The following FRMPD4 variants were observed in gnomAD, a reference collection of about 807,000 sequenced individuals.
The protein encoded by FRMPD4 is FERM and PDZ domain-containing protein 4.
FRMPD4 carries 22 observed loss-of-function variants against 94.1 expected under a neutral mutation model. The ratio of observed to expected loss-of-function variants is 0.23; its 90% CI spans 0.17 to 0.33. The LOEUF (loss-of-function observed/expected upper bound fraction) is 0.33. Ranked by LOEUF, FRMPD4 falls within the 10% of genes least tolerant of loss-of-function variation. FRMPD4 has a pLI of 1.00. For synonymous variants in FRMPD4, 631 were observed against 548.6 expected (o/e 1.15, Z -2.10); for missense variants, 1,111 against 1,339.9 (o/e 0.83, Z 2.67).
intron 8 of FRMPD4, among the ~76,000 whole-genome samples, chrX:12,692,852 G>T (rs182249075): frequency 8.9e-6 from 1 of 112,174 alleles, no homozygotes; most frequent in Admixed American, 9.4e-5. Context: ...TCATGAAGTC[G>T]CTGTGAAACA....
intron 1 of FRMPD4, 139 bp downstream of exon 1, chrX:12,139,151 C>T: frequency 4.5e-6 from 2 of 442,991 alleles, no homozygotes; most frequent in Non-Finnish European, 7.3e-6. Context: ...CCGGGGGCTT[C>T]CACGTTCAAC....
intron 3 of FRMPD4, among the ~76,000 whole-genome samples, chrX:11,884,828 G>A (rs1463890222): frequency 9.0e-6 from 1 of 111,415 alleles, no homozygotes; most frequent in Non-Finnish European, 1.9e-5. Flanking sequence ...CTGCATAATA[G>A]AGGAGAGATT....
intron 4 of FRMPD4, among the ~76,000 whole-genome samples, chrX:12,670,639 T>A (rs771290983): frequency 5.1e-4 from 57 of 111,830 alleles, no homozygotes; most frequent in African/African-American, 1.7e-3. Flanking sequence ...AAAACCCTAG[T>A]AGAAAACCTA....
At chrX:12,207,102 C>A (rs2056701189) in intron 1 of FRMPD4, among the ~76,000 whole-genome samples, 1 of 111,352 alleles carries the variant, frequency 9.0e-6, no homozygotes, top group Non-Finnish European at 1.9e-5. Context: ...AGAAAAATTA[C>A]AGCATACCAG....
chrX:12,321,446 A>G (rs1267446237), intron 1 of FRMPD4, among the ~76,000 whole-genome samples: 1 of 112,144 alleles, frequency 8.9e-6, no homozygotes, highest in Non-Finnish European at 1.9e-5. Flanking sequence ...ACAATATTCA[A>G]TAAATTACAT....
At chrX:12,672,068 G>GC (rs1374248354) in intron 4 of FRMPD4, among the ~76,000 whole-genome samples, 1 of 112,272 alleles carries the variant, frequency 8.9e-6, no homozygotes, top group Admixed American at 9.4e-5. Context: ...CATTGTCAAT[G>GC]TTTTCTCTAC....
chrX:12,456,874 C>CCACACTTT (rs1306913529), intron 1 of FRMPD4, among the ~76,000 whole-genome samples: 1 of 112,571 alleles, frequency 8.9e-6, no homozygotes, highest in African/African-American at 3.2e-5. Context: ...TTGGTCAGTT[C>CCACACTTT]CACACTTTCA....
intron 1 of FRMPD4, among the ~76,000 whole-genome samples, chrX:12,244,836 T>C (rs2053931108): frequency 1.8e-5 from 2 of 111,775 alleles, no homozygotes; most frequent in Non-Finnish European, 3.8e-5. Flanking sequence ...TGGACAGAGC[T>C]GAGATGCCTG....
chrX:12,213,036 T>A (rs2056770351), intron 1 of FRMPD4, among the ~76,000 whole-genome samples: 1 of 111,527 alleles, frequency 9.0e-6, no homozygotes, highest in Non-Finnish European at 1.9e-5. Flanking sequence ...GTCTCCCTCA[T>A]TAATTTCTTT....
chrX:12,283,053 G>A lies in FRMPD4; in HGVS notation c.41+144041G>A, dbSNP rs551249534. On this transcript the variant is annotated intron_variant, in intron 1 of 16. Transcript: ENST00000675598. ...ACTGCAGAAAGTTCCAATGGACAGCGCTGATCTAGACTGTATTAAAAGCTT... is the reference window on the plus strand; with the variant it reads ...ACTGCAGAAAGTTCCAATGGACAGCACTGATCTAGACTGTATTAAAAGCTT... Among the ~76,000 whole-genome samples the A allele has an allele frequency of 1.2e-4, 14 of 112,902 alleles. No homozygotes were observed. The South Asian group carries it at 2.9e-3, about 23-fold the overall frequency.
chrX:11,947,265 A>T (rs1306634862), intron 3 of FRMPD4, among the ~76,000 whole-genome samples: 1 of 112,228 alleles, frequency 8.9e-6, no homozygotes, highest in Non-Finnish European at 1.9e-5. Flanking sequence ...TTCAGATAAG[A>T]GATTATGGAT....
intron 1 of FRMPD4, among the ~76,000 whole-genome samples, chrX:12,471,448 T>G (rs1426871720): frequency 9.1e-6 from 1 of 110,399 alleles, no homozygotes; most frequent in African/African-American, 3.3e-5. Flanking sequence ...GTTTAAGGAG[T>G]AGAGGTCAGG....
chrX:12,664,400 T>C (rs1337670700), intron 4 of FRMPD4, among the ~76,000 whole-genome samples: 1 of 111,666 alleles, frequency 9.0e-6, no homozygotes, highest in Admixed American at 9.5e-5. Flanking sequence ...TTATTGAGAG[T>C]TTTTAGCATG....
intron 1 of FRMPD4, among the ~76,000 whole-genome samples, chrX:12,386,462 C>T (rs1210775036): frequency 8.9e-6 from 1 of 112,009 alleles, no homozygotes; most frequent in Non-Finnish European, 1.9e-5. Context: ...AGATGAGATC[C>T]TCAAAGCATT....
At chrX:12,639,789 G>A (rs1175957124) in intron 4 of FRMPD4, among the ~76,000 whole-genome samples, 4 of 111,655 alleles carry the variant, frequency 3.6e-5, no homozygotes, top group African/African-American at 9.8e-5. Flanking sequence ...GTCTTCTTTC[G>A]AGGGTGAAGA....
chrX:11,848,501 C>T (rs748491613), intron 1 of FRMPD4, among the ~76,000 whole-genome samples: 3 of 106,515 alleles, frequency 2.8e-5, no homozygotes, highest in East Asian at 5.7e-4. Flanking sequence ...TAAGTCTTCC[C>T]CAGCCTGTGT....
rs773502928 is a variant in FRMPD4 at position 11,957,525 on chromosome X, C to CAAAATAAAAT, written c.95+79527_95+79536dup. On this transcript the variant is annotated intron_variant, in intron 3 of 18. Coordinates refer to the FRMPD4 transcript ENST00000640291. ...GGCTGCAGTGAGTGAGACCCTGTCT[C>CAAAATAAAAT]AAAATAAAATAAAATAAAATAAAAT... Among the ~76,000 whole-genome samples the CAAAATAAAAT allele has an allele frequency of 2.2e-3, 237 of 108,420 alleles. 1 individual carries two copies. The highest frequency in any genetic ancestry group is 7.8e-3 in the African/African-American group (232 of 29,910). 94.1% of individuals were successfully genotyped at this position (108,420 alleles called of 115,157 possible). A position where few individuals can be genotyped will look rare whatever the true frequency, so the allele number is the denominator to read the frequency against.
At chrX:12,663,704 T>G (rs2059743590) in intron 4 of FRMPD4, among the ~76,000 whole-genome samples, 1 of 112,480 alleles carries the variant, frequency 8.9e-6, no homozygotes, top group Non-Finnish European at 1.9e-5. Context: ...TGGTTCCATA[T>G]GAAATTTAAA....
intron 1 of FRMPD4, among the ~76,000 whole-genome samples, chrX:12,299,383 A>G (rs1427128282): frequency 1.8e-5 from 2 of 110,605 alleles, no homozygotes; most frequent in East Asian, 2.8e-4. Context: ...AAATAAGTCA[A>G]ATTTCTGATG....
Sources: gnomAD v4.1 joint callset for allele counts (sites outside exome capture counted in the v4.1 genomes callset) on GRCh38, gnomAD v4.1.1 for gene constraint, MANE v1.5 for transcripts, NCBI Gene and HGNC (gene_info 2026-07-23, HGNC 2026-07-21) for gene names.